Variants in PLCG2 observed in about 807,000 individuals in gnomAD.
PLCG2 encodes the protein 1-phosphatidylinositol 4,5-bisphosphate phosphodiesterase gamma-2.
In PLCG2, 69 loss-of-function variants were observed where a neutral mutation model predicts 175.6. That is an observed-to-expected ratio of 0.39 (90% CI 0.32 to 0.48). The LOEUF (loss-of-function observed/expected upper bound fraction) is 0.48, where lower values mean the gene tolerates loss of function less well. PLCG2 is among the 20% of genes least tolerant of loss of function. The pLI is 0.91. For missense variants in PLCG2, 1,798 were observed against 1,650.9 expected (o/e 1.09, Z -1.54); for synonymous variants, 827 against 624.0 (o/e 1.33, Z -4.85).
intron 14 of PLCG2, among the ~76,000 whole-genome samples, chr16:81,901,483 G>A (rs766808304): frequency 4.6e-5 from 7 of 152,158 alleles, no homozygotes; most frequent in Admixed American, 2.0e-4. Context: ...CGGGGCCCCC[G>A]CATTCTGCTC....
At chr16:81,947,457 G>A (rs538178058) in intron 31 of PLCG2, among the ~76,000 whole-genome samples, 2 of 152,182 alleles carry the variant, frequency 1.3e-5, no homozygotes, top group Admixed American at 6.5e-5. Flanking sequence ...CTTGGAAGCC[G>A]AGCTGAATTG....
At position 81,880,196 on chromosome 16, in the gene PLCG2, G is replaced by C. The variant is rs533554861; in HGVS notation, c.649-714G>C. ...AGTGAGGCTGTGGTGAACTATGGTC[G>C]TGCCACTGCACTCCAGCCTGGGTAA... On this transcript the variant is annotated intron_variant, in intron 7 of 32. Transcript: ENST00000564138. Among the ~76,000 whole-genome samples, 4 of 152,262 alleles carry C rather than the reference G, an allele frequency of 2.6e-5. 1 individual carries two copies. In the South Asian group the frequency reaches 8.3e-4, roughly 32 times the overall value.
At chr16:81,937,506 G>C (rs906578933) in intron 27 of PLCG2, 21 of 370,128 alleles carry the variant, frequency 5.7e-5, no homozygotes, top group Non-Finnish European at 1.0e-4. Context: ...TTGCTACATA[G>C]ACACTTTTAG....
chr16:81,931,321 G>T (rs1206516925), intron 24 of PLCG2, 176 bp from the exon 25 acceptor site: 2 of 523,182 alleles, frequency 3.8e-6, no homozygotes, highest in Non-Finnish European at 6.8e-6. Flanking sequence ...CATCCCTTGA[G>T]TAGTCATCTG....
intron 2 of PLCG2, among the ~76,000 whole-genome samples, chr16:81,807,518 C>T (rs759952487): frequency 1.3e-5 from 2 of 152,208 alleles, no homozygotes; most frequent in Non-Finnish European, 2.9e-5. Context: ...ACCATAAGAG[C>T]TGACATTTAT....
chr16:81,797,406 G>A (rs538915081), intron 2 of PLCG2, among the ~76,000 whole-genome samples: 1 of 152,330 alleles, frequency 6.6e-6, no homozygotes, highest in African/African-American at 2.4e-5. Context: ...TAGGTGCTGT[G>A]CAGTTTGGGG....
intron 31 of PLCG2, among the ~76,000 whole-genome samples, chr16:81,947,539 A>G (rs940829362): frequency 1.3e-5 from 2 of 152,220 alleles, no homozygotes; most frequent in African/African-American, 4.8e-5. Context: ...ATCCTCTGGA[A>G]GCCAGGGAGA....
intron 26 of PLCG2, chr16:81,935,796 G>C (rs1287702897): frequency 6.1e-6 from 6 of 985,066 alleles, no homozygotes; most frequent in Admixed American, 1.2e-4. Flanking sequence ...TTGTGTCTGT[G>C]GTCTCTCTGG....
upstream of PLCG2, among the ~76,000 whole-genome samples, chr16:81,778,030 A>AAAACACAC (rs56027201): frequency 6.0e-4 from 49 of 81,962 alleles, no homozygotes; most frequent in African/African-American, 2.2e-3. Context: ...AAAAAAAAAA[A>AAAACACAC]ACAAAAAAAA....
At position 81,936,320 on chromosome 16, in the gene PLCG2, C is replaced by A. The variant is rs766228601; in HGVS notation, c.2994C>A (p.Asp998Glu). Residue 998 changes from aspartate (D) to glutamate (E), a missense_variant, in exon 27 of 33, where the codon GAC (aspartate) becomes GAA (glutamate). By Grantham distance (45) the Asp-to-Glu change is conservative (BLOSUM62 2). Transcript: ENST00000564138. ...AAAGAGTTGACTCTTCAAACTACGA[C>A]CCCTTCCGCCTCTGGCTGTGCGGTT... ...KGQRVDSSNY[D>E]PFRLWLCGSQ... is the part of the protein sequence containing the mutation. 8 of 1,614,226 alleles carry A rather than the reference C, an allele frequency of 5.0e-6. No homozygotes were observed. In the Admixed American group the frequency reaches 6.7e-5, roughly 13 times the overall value.
chr16:81,895,947 G>C lies in PLCG2; in HGVS notation c.1193+20G>C. Reference sequence around the variant, plus strand: ...CTCGAGGTCAGTTGGCTGATTTCTGGGTGGTGTGACTTAAAGGGGAAGGCA... The same window carrying C: ...CTCGAGGTCAGTTGGCTGATTTCTGCGTGGTGTGACTTAAAGGGGAAGGCA... On this transcript the variant is annotated intron_variant, in intron 13 of 32. Transcript: ENST00000564138. The C allele has an allele frequency of 6.2e-7, 1 of 1,613,990 alleles. No individual in the cohort carries two copies. Among genetic ancestry groups the C allele is most frequent in the South Asian group, 1.1e-5 (1 of 91,072 alleles).
chr16:81,940,811 T>C (rs561601562), intron 30 of PLCG2, among the ~76,000 whole-genome samples: 4 of 152,314 alleles, frequency 2.6e-5, no homozygotes, highest in Admixed American at 6.5e-5. Context: ...TTAGCTTCTA[T>C]ATAGTTTCTC....
At chr16:81,786,678 C>T (rs1008745016) in intron 2 of PLCG2, among the ~76,000 whole-genome samples, 1 of 152,190 alleles carries the variant, frequency 6.6e-6, no homozygotes, top group African/African-American at 2.4e-5. Flanking sequence ...AAATGCAGGT[C>T]TGGTCTTGGT....
intron 11 of PLCG2, among the ~76,000 whole-genome samples, chr16:81,893,100 C>G (rs1041943124): frequency 1.3e-5 from 2 of 152,188 alleles, no homozygotes; most frequent in African/African-American, 4.8e-5. Context: ...ACCTCGTGAT[C>G]TGCCCGCCTC....
intron 31 of PLCG2, among the ~76,000 whole-genome samples, chr16:81,950,027 G>C (rs942959840): frequency 1.3e-5 from 2 of 151,672 alleles, no homozygotes; most frequent in South Asian, 4.2e-4. Context: ...GAAATAAGGA[G>C]GAAAAAAGGA....
intron 1 of PLCG2, among the ~76,000 whole-genome samples, chr16:81,781,033 A>ACAAACAAG (rs1364663493): frequency 6.6e-6 from 1 of 150,642 alleles, no homozygotes; most frequent in Admixed American, 6.6e-5. Context: ...CTCAAGACAA[A>ACAAACAAG]CAAACAAACA....
intron 2 of PLCG2, among the ~76,000 whole-genome samples, chr16:81,828,205 GAA>G (rs1309859799): frequency 6.8e-6 from 1 of 147,884 alleles, no homozygotes; most frequent in African/African-American, 2.5e-5. Flanking sequence ...AACAACTTGT[GAA>G]GTCTGTTCCA....
Position 81,939,975 on chromosome 16 carries a change from C to T in PLCG2, c.3397C>T (p.Arg1133Cys), listed in dbSNP as rs779014379. 5 of 1,613,754 alleles carry T rather than the reference C, an allele frequency of 3.1e-6. No individual in the cohort carries two copies. The highest frequency in any genetic ancestry group is 3.4e-6 in the Non-Finnish European group (4 of 1,179,656). Reference protein sequence around the residue: ...EIYDPNLAFLRFVVYEEDMFS... With the variant: ...EIYDPNLAFLCFVVYEEDMFS... ...TTATGACCCAAACCTGGCATTTCTGCGCTTTGTGGTTTATGAAGAAGATAT... is the reference window on the plus strand; with the variant it reads ...TTATGACCCAAACCTGGCATTTCTGTGCTTTGTGGTTTATGAAGAAGATAT... The change falls in exon 30 of 33, where the codon CGC (arginine) becomes TGC (cysteine). Residue 1133 changes from arginine (R) to cysteine (C), a missense_variant. Arg to Cys is a radical substitution (Grantham distance 180). Transcript: ENST00000564138.
chr16:81,947,951 C>T (rs935690761), intron 31 of PLCG2, among the ~76,000 whole-genome samples: 1 of 152,180 alleles, frequency 6.6e-6, no homozygotes, highest in Non-Finnish European at 1.5e-5. Context: ...CAGATTCATA[C>T]AGGTGCCCTT....
Sources: allele counts gnomAD v4.1 joint callset (sites outside exome capture counted in the v4.1 genomes callset), GRCh38; gene constraint gnomAD v4.1.1; transcripts MANE v1.5; gene names NCBI Gene and HGNC (gene_info 2026-07-23, HGNC 2026-07-21).